Variants in COL20A1 observed in about 807,000 individuals in gnomAD.
COL20A1 encodes collagen type XX alpha 1 chain.
Under a neutral mutation model 152.9 loss-of-function variants are expected in COL20A1, and 164 were observed. The ratio of observed to expected loss-of-function variants is 1.07; its 90% CI spans 0.94 to 1.22. COL20A1 has a LOEUF of 1.22. COL20A1 is among the 50% of genes most tolerant of loss of function. The pLI is 0.00. For synonymous variants in COL20A1, 864 were observed against 756.0 expected (o/e 1.14, Z -2.34); for missense variants, 1,873 against 1,744.8 (o/e 1.07, Z -1.31).
At chr20:63,309,623 G>A in intron 9 of COL20A1, 126 bp downstream of exon 9, 2 of 1,217,742 alleles carry the variant, frequency 1.6e-6, no homozygotes, top group South Asian at 1.6e-5. Context: ...GGGGTCTGCA[G>A]CACCCCCTTA....
At chr20:63,329,433 C>A in intron 34 of COL20A1, 152 bp from the exon 35 acceptor site, 1 of 630,504 alleles carries the variant, frequency 1.6e-6, no homozygotes, top group Middle Eastern at 2.5e-4. Context: ...GGGGACCTGG[C>A]ACGCTGCTGC....
At position 63,326,908 on chromosome 20, in the gene COL20A1, C is replaced by T. The variant is rs771022539; in HGVS notation, c.3528+85C>T. ...CCCACATGCAACCACTCAGGGACTTCCTACTGACAGCTCAGGGACTTCCTA... is the reference window on the plus strand; with the variant it reads ...CCCACATGCAACCACTCAGGGACTTTCTACTGACAGCTCAGGGACTTCCTA... On this transcript the variant is annotated intron_variant, in intron 31 of 35. Coordinates refer to ENST00000358894, the MANE Select transcript of COL20A1 (RefSeq NM_020882.4). 8.5e-6 allele frequency: 8 copies of T among 942,982 alleles called. No homozygotes were observed. The African/African-American group carries it at 1.2e-4, about 15-fold the overall frequency. 58.4% of individuals were successfully genotyped at this position (942,982 alleles called of 1,614,324 possible).
At chr20:63,299,392 G>A (rs764793191) in intron 3 of COL20A1, among the ~76,000 whole-genome samples, 11 of 152,202 alleles carry the variant, frequency 7.2e-5, no homozygotes, top group Non-Finnish European at 1.3e-4. Context: ...GGCAACCAAC[G>A]CTTGGCAGCC....
intron 2 of COL20A1, 144 bp from the exon 3 acceptor site, chr20:63,297,766 G>T (rs1217371076): frequency 6.4e-6 from 4 of 626,276 alleles, no homozygotes; most frequent in Non-Finnish European, 1.1e-5. Context: ...CAGACACCCT[G>T]GGTGGGCTTC....
chr20:63,315,772 G>A (rs1005740769), intron 20 of COL20A1, among the ~76,000 whole-genome samples: 13 of 152,170 alleles, frequency 8.5e-5, no homozygotes, highest in Non-Finnish European at 1.8e-4. Flanking sequence ...GTTCTCATTC[G>A]AGTTGCCTGA....
intron 16 of COL20A1, 64 bp downstream of exon 16, chr20:63,312,998 G>A: frequency 6.5e-7 from 1 of 1,532,822 alleles, no homozygotes; most frequent in South Asian, 1.2e-5. Context: ...TGAAGCCAAA[G>A]TCTAGGGCTC....
At position 63,319,513 on chromosome 20, in the gene COL20A1, C is replaced by T. The variant is rs984240521; in HGVS notation, c.2833C>T (p.His945Tyr). Residue 945 changes from histidine to tyrosine, a missense_variant, in exon 23 of 36, where the codon CAC becomes TAC. Coordinates refer to ENST00000358894, the MANE Select transcript of COL20A1 (RefSeq NM_020882.4). This position sits in a 1 kb window ranked among gnomAD's most constrained non-coding sequence, Gnocchi z 4.4. ...DAGKKSLTYF[H>Y]RDPRAALQEA... ...CGGGAAGAAGTCCCTGACCTACTTC[C>T]ACCGTGACCCCAGGGCTGCCTTGCA... 1.3e-6 allele frequency: 2 copies of T among 1,591,426 alleles called. No individual in the cohort carries two copies. Among genetic ancestry groups the T allele is most frequent in the East Asian group, 2.3e-5 (1 of 43,650 alleles).
chr20:63,313,029 CCT>C lies in COL20A1; in HGVS notation c.2077-87_2077-86del. Reference sequence around the variant, plus strand: ...GGCTCAGAGCCATATGTGCGCCCACCCTGTCTCCCAGGGATGCCTCACTGCCC... The same window carrying C: ...GGCTCAGAGCCATATGTGCGCCCACCGTCTCCCAGGGATGCCTCACTGCCC... On this transcript the variant is annotated intron_variant, in intron 16 of 35. Transcript: ENST00000358894. This position sits in a 1 kb window ranked among gnomAD's most constrained non-coding sequence, Gnocchi z 5.9. 1 of 1,543,862 alleles carries C rather than the reference CCT, an allele frequency of 6.5e-7. No individual in the cohort carries two copies. The highest frequency in any genetic ancestry group is 1.2e-5 in the South Asian group (1 of 84,014).
rs2068087153 is a variant in COL20A1, at chr20:63,316,576, A to G, written c.2548A>G (p.Ser850Gly). Residue 850 changes from serine (S) to glycine (G), a missense_variant, in exon 21 of 36, where the codon AGC (serine) becomes GGC (glycine). Coordinates refer to ENST00000358894, the MANE Select transcript of COL20A1 (RefSeq NM_020882.4). Reference protein sequence around the residue: ...LPGFDLMVAFSLVEKAYASIR... With the variant: ...LPGFDLMVAFGLVEKAYASIR... ...AGGGTTTGACCTGATGGTGGCCTTC[A>G]GCCTGGTGGAAAAGGCTTATGCGTC... 2.5e-6 allele frequency: 4 copies of G among 1,589,934 alleles called. No individual in the cohort carries two copies. Among genetic ancestry groups the G allele is most frequent in the Non-Finnish European group, 3.4e-6 (4 of 1,168,432 alleles).
chr20:63,325,352 C>A (rs1319253278), intron 27 of COL20A1, 89 bp from the exon 28 acceptor site: 6 of 1,015,854 alleles, frequency 5.9e-6, no homozygotes, highest in South Asian at 1.3e-5. Context: ...GCCGTGCAGT[C>A]CAGGGGCCTG....
intron 29 of COL20A1, 102 bp downstream of exon 29, chr20:63,325,823 C>A: frequency 9.1e-7 from 1 of 1,093,366 alleles, no homozygotes; most frequent in Non-Finnish European, 1.4e-6. Flanking sequence ...GGGGGAGGTG[C>A]TTTCTCCTGG....
rs1022443251 is a variant in COL20A1, at chr20:63,319,310, G to A, written c.2806+110G>A. On this transcript the variant is annotated intron_variant, in intron 22 of 35. Coordinates refer to ENST00000358894, the MANE Select transcript of COL20A1 (RefSeq NM_020882.4). The surrounding 1 kb of genome is among the most constrained non-coding windows in gnomAD (Gnocchi z 4.4). ...GTCCAGCCTCCAGGCCAGGCCCTCA[G>A]CACCCTCTGGGTGGGAGGCAGGTGT... 1 of 1,265,956 alleles carries A rather than the reference G, an allele frequency of 7.9e-7. No individual in the cohort carries two copies. Among genetic ancestry groups the A allele is most frequent in the Admixed American group, 2.4e-5 (1 of 42,504 alleles). 78.4% of individuals were successfully genotyped at this position (1,265,956 alleles called of 1,614,324 possible).
intron 7 of COL20A1, 48 bp downstream of exon 7, chr20:63,308,138 T>C (rs372310677): frequency 1.3e-6 from 2 of 1,581,866 alleles, no homozygotes; most frequent in Admixed American, 1.7e-5. Flanking sequence ...CGGACCTCCT[T>C]CTGCCGCCCT....
At chr20:63,302,094 G>A (rs192951756) in intron 3 of COL20A1, among the ~76,000 whole-genome samples, 45 of 152,106 alleles carry the variant, frequency 3.0e-4, no homozygotes, top group African/African-American at 6.3e-4. Context: ...ATCAGCGTGC[G>A]GCCAATATTG....
At chr20:63,316,027 CG>C (rs2123413412) in intron 20 of COL20A1, among the ~76,000 whole-genome samples, 1 of 152,266 alleles carries the variant, frequency 6.6e-6, no homozygotes, top group East Asian at 1.9e-4. Flanking sequence ...CGGTGGGGCT[CG>C]CCAGGGAATG....
intron 27 of COL20A1, among the ~76,000 whole-genome samples, chr20:63,323,486 G>A (rs1041332964): frequency 1.3e-5 from 2 of 152,102 alleles, no homozygotes; most frequent in Non-Finnish European, 2.9e-5. Flanking sequence ...GGCACTTTTC[G>A]ACACTCCCAG....
intron 2 of COL20A1, among the ~76,000 whole-genome samples, chr20:63,296,424 T>G (rs2067794777): frequency 6.6e-6 from 1 of 152,236 alleles, no homozygotes; most frequent in Non-Finnish European, 1.5e-5. Flanking sequence ...ATTGAGTCCC[T>G]GAGGACAGCC....
Position 63,312,829 on chromosome 20 carries a change from G to A in COL20A1, c.1971G>A (p.Glu657=), listed in dbSNP as rs1456938486. The A allele has an allele frequency of 2.6e-6, 4 of 1,561,512 alleles. No homozygotes were observed. Among genetic ancestry groups the A allele is most frequent in the Non-Finnish European group, 3.5e-6 (4 of 1,152,786 alleles). ...APSPSQLSMT[E]LPGDAVQLAW... ...GCCCAAGCCAGCTGTCCATGACGGA[G>A]CTGCCAGGGGATGCAGTCCAGCTGG... Residue 657 remains glutamate, a synonymous_variant, in exon 16 of 36, where the codon GAG becomes GAA. Coordinates refer to ENST00000358894, the MANE Select transcript of COL20A1 (RefSeq NM_020882.4).
chr20:63,326,777 G>A lies in COL20A1; in HGVS notation c.3482G>A (p.Arg1161Lys), dbSNP rs2068255777. Reference protein sequence around the residue: ...PRGFQGMAGARGTSGERGPPG... With the variant: ...PRGFQGMAGAKGTSGERGPPG... ...GGGTTCCAGGGCATGGCAGGGGCCA[G>A]GGGCACTAGTGGAGAGCGAGGACCT... Residue 1161 changes from arginine (R) to lysine (K), a missense_variant, in exon 31 of 36, where the codon AGG (arginine) becomes AAG (lysine). Arg to Lys is a conservative substitution (Grantham distance 26). Coordinates refer to ENST00000358894, the MANE Select transcript of COL20A1 (RefSeq NM_020882.4). 6.7e-7 allele frequency: 1 copy of A among 1,491,942 alleles called. No homozygotes were observed. The highest frequency in any genetic ancestry group is 8.8e-7 in the Non-Finnish European group (1 of 1,130,984). The allele number at this position is 1,491,942 out of a possible 1,614,324, so 92.4% of individuals were successfully genotyped here.
Sources: gnomAD v4.1 joint callset for allele counts (sites outside exome capture counted in the v4.1 genomes callset) on GRCh38, gnomAD v4.1.1 for gene constraint, Gnocchi (gnomAD v3.1) non-coding constraint, MANE v1.5 for transcripts, NCBI Gene and HGNC (gene_info 2026-07-23, HGNC 2026-07-21) for gene names.